CAMK2D: variants seen among roughly 807,000 people sequenced by gnomAD.
CAMK2D encodes the protein calcium/calmodulin-dependent protein kinase type II subunit delta.
A neutral mutation model predicts 84.0 loss-of-function variants in CAMK2D; 37 were observed. The observed-to-expected ratio is 0.44, with a 90% CI of 0.34 to 0.58. CAMK2D has a LOEUF of 0.58. CAMK2D is among the 20% of genes least tolerant of loss of function. The pLI is 0.02. For missense variants in CAMK2D, 448 were observed against 652.5 expected (o/e 0.69, Z 3.41); for synonymous variants, 202 against 212.5 (o/e 0.95, Z 0.43).
chr4:113,609,033 T>C, intron 4 of CAMK2D, 119 bp downstream of exon 4: 2 of 593,306 alleles, frequency 3.4e-6, no homozygotes, highest in Non-Finnish European at 3.1e-6. Flanking sequence ...TGAATGTTAC[T>C]TGAACATTAA....
At chr4:113,731,787 T>C (rs1487389843) in intron 2 of CAMK2D, among the ~76,000 whole-genome samples, 1 of 152,138 alleles carries the variant, frequency 6.6e-6, no homozygotes, top group South Asian at 2.1e-4. Context: ...GGTTTCACCA[T>C]GTTGGTCAGG....
intron 2 of CAMK2D, among the ~76,000 whole-genome samples, chr4:113,748,769 G>T (rs1052114001): frequency 2.6e-4 from 40 of 151,918 alleles, no homozygotes; most frequent in Non-Finnish European, 4.4e-4. Flanking sequence ...TGGGGGAAAT[G>T]AACTACAAAT....
intron 13 of CAMK2D, among the ~76,000 whole-genome samples, chr4:113,506,224 C>G (rs1038048625): frequency 6.6e-6 from 1 of 152,018 alleles, no homozygotes; most frequent in Non-Finnish European, 1.5e-5. Context: ...CCTGTCAAAA[C>G]TAGTATTGAG....
intron 3 of CAMK2D, among the ~76,000 whole-genome samples, chr4:113,616,929 C>G (rs1033565090): frequency 6.6e-6 from 1 of 151,734 alleles, no homozygotes. Context: ...ATTTTGTTTT[C>G]TAAAAAGGTA....
intron 4 of CAMK2D, among the ~76,000 whole-genome samples, chr4:113,592,170 G>A (rs1320482300): frequency 1.3e-5 from 2 of 152,156 alleles, no homozygotes; most frequent in African/African-American, 2.4e-5. Context: ...AAGTTTGGGT[G>A]TCTCAAGTAG....
chr4:113,730,877 C>T lies in CAMK2D; in HGVS notation c.160+28443G>A, dbSNP rs573566153. Among the ~76,000 whole-genome samples the T allele has an allele frequency of 7.9e-5, 12 of 152,288 alleles. No individual in the cohort carries two copies. In the South Asian group the frequency reaches 2.5e-3, roughly 32 times the overall value. ...ACCTGTGCATACAATATACCAGGTACCACACTTTACATCTTTTCTCACCAA... is the reference window on the plus strand; with the variant it reads ...ACCTGTGCATACAATATACCAGGTATCACACTTTACATCTTTTCTCACCAA... On this transcript the variant is annotated intron_variant, in intron 2 of 20. Transcript: ENST00000511664.
At chr4:113,691,035 C>A (rs2099385545) in intron 2 of CAMK2D, among the ~76,000 whole-genome samples, 1 of 152,130 alleles carries the variant, frequency 6.6e-6, no homozygotes, top group Non-Finnish European at 1.5e-5. Flanking sequence ...TTAAGATTCA[C>A]AATTGTCTTG....
chr4:113,661,041 C>T (rs1486917505), intron 3 of CAMK2D, among the ~76,000 whole-genome samples: 1 of 150,558 alleles, frequency 6.6e-6, no homozygotes, highest in Non-Finnish European at 1.5e-5. Flanking sequence ...GTGATCCACC[C>T]GCCTCGGCCT....
At chr4:113,759,212 T>C in intron 2 of CAMK2D, 108 bp downstream of exon 2, 1 of 608,796 alleles carries the variant, frequency 1.6e-6, no homozygotes, top group Non-Finnish European at 2.9e-6. Context: ...ATATGATACC[T>C]AAGTCTAAAG....
chr4:113,645,086 G>A (rs542819145), intron 3 of CAMK2D, among the ~76,000 whole-genome samples: 48 of 152,056 alleles, frequency 3.2e-4, no homozygotes, highest in East Asian at 5.8e-4. Context: ...GCACAATCTC[G>A]GCTCACTACA....
intron 3 of CAMK2D, among the ~76,000 whole-genome samples, chr4:113,613,614 G>A (rs1215325425): frequency 6.6e-6 from 1 of 152,018 alleles, no homozygotes; most frequent in Non-Finnish European, 1.5e-5. Context: ...AGGATACAAA[G>A]CCACATTTGT....
At chr4:113,502,432 CCAA>C (rs1341276308) in intron 15 of CAMK2D, among the ~76,000 whole-genome samples, 1 of 138,554 alleles carries the variant, frequency 7.2e-6, no homozygotes, top group Non-Finnish European at 1.6e-5. Flanking sequence ...AACATCATCA[CCAA>C]CAAGGAATTA....
chr4:113,589,121 G>A, intron 4 of CAMK2D, among the ~76,000 whole-genome samples: 1 of 152,134 alleles, frequency 6.6e-6, no homozygotes, highest in Admixed American at 6.5e-5. Flanking sequence ...CAGTGTGGCT[G>A]GGGCTGAGTG....
chr4:113,474,687 C>T (rs889507240), intron 16 of CAMK2D, among the ~76,000 whole-genome samples: 1 of 151,786 alleles, frequency 6.6e-6, no homozygotes, highest in African/African-American at 2.4e-5. Context: ...GCTCTTGTCC[C>T]CCAGGCTGGA....
intron 17 of CAMK2D, among the ~76,000 whole-genome samples, chr4:113,465,183 C>T (rs1195191394): frequency 6.6e-6 from 1 of 152,100 alleles, no homozygotes; most frequent in South Asian, 2.1e-4. Flanking sequence ...CAGGTGTGCA[C>T]CACTATGCCT....
intron 3 of CAMK2D, among the ~76,000 whole-genome samples, chr4:113,645,247 A>C (rs934556849): frequency 6.6e-6 from 1 of 152,042 alleles, no homozygotes; most frequent in African/African-American, 2.4e-5. Flanking sequence ...CGATCTCCTG[A>C]CCTCATGATC....
At chr4:113,746,876 A>AT (rs1316860515) in intron 2 of CAMK2D, among the ~76,000 whole-genome samples, 2 of 150,864 alleles carry the variant, frequency 1.3e-5, no homozygotes, top group Non-Finnish European at 3.0e-5. Context: ...CTTACTAATG[A>AT]TTATACCAAC....
At chr4:113,724,443 T>C (rs1012956298) in intron 2 of CAMK2D, among the ~76,000 whole-genome samples, 3 of 151,888 alleles carry the variant, frequency 2.0e-5, no homozygotes, top group African/African-American at 7.2e-5. Context: ...TACATGGTGC[T>C]TTCATTTTCA....
chr4:113,511,972 G>A (rs1353386765), intron 12 of CAMK2D, among the ~76,000 whole-genome samples: 7 of 152,172 alleles, frequency 4.6e-5, no homozygotes, highest in Non-Finnish European at 1.0e-4. Context: ...ATAATGATAT[G>A]ATGGATTATT....
Sources: gnomAD v4.1 joint callset for allele counts (sites outside exome capture counted in the v4.1 genomes callset) on GRCh38, gnomAD v4.1.1 for gene constraint, MANE v1.5 for transcripts, NCBI Gene and HGNC (gene_info 2026-07-23, HGNC 2026-07-21) for gene names.